Variants in FYN observed in about 807,000 individuals in gnomAD.
FYN encodes the protein FYN proto-oncogene, Src family tyrosine kinase, also known as tyrosine-protein kinase Fyn.
A neutral mutation model predicts 70.2 loss-of-function variants in FYN; 10 were observed. The observed-to-expected ratio is 0.14, with a 90% CI of 0.09 to 0.24. The LOEUF (loss-of-function observed/expected upper bound fraction) is 0.24, where lower values mean the gene tolerates loss of function less well. FYN is among the 10% of genes least tolerant of loss of function. The pLI, the probability that FYN is intolerant of heterozygous loss-of-function variation, is 1.00. For missense variants in FYN, 319 were observed against 673.1 expected (o/e 0.47, Z 5.82); for synonymous variants, 236 against 248.6 (o/e 0.95, Z 0.48).
chr6:111,754,327 C>G lies in FYN; in HGVS notation c.-12+26239G>C, dbSNP rs1477918860. The G allele has an allele frequency of 2.0e-5, 3 of 152,188 alleles. No individual in the cohort carries two copies. The East Asian group carries it at 5.8e-4, about 29-fold the overall frequency. The allele number at this position is 152,188 out of a possible 1,614,324, so 9.4% of individuals were successfully genotyped here. On this transcript the variant is annotated intron_variant, in intron 3 of 13. Transcript: ENST00000354650. The stretch of plus-strand genomic sequence containing the variant: ...TGACCCACAGCCAACTCCCGGCATG[C>G]ACAGTAGGGCACCTCTCCCACGGGG...
chr6:111,764,518 TA>T, intron 3 of FYN, among the ~76,000 whole-genome samples: 1 of 152,198 alleles, frequency 6.6e-6, no homozygotes, highest in African/African-American at 2.4e-5. Context: ...ATTGTGAGAA[TA>T]AGTACTTTGC....
At chr6:111,826,504 C>T (rs1772838722) in intron 2 of FYN, among the ~76,000 whole-genome samples, 1 of 152,028 alleles carries the variant, frequency 6.6e-6, no homozygotes, top group African/African-American at 2.4e-5. Flanking sequence ...TGCCTGAATC[C>T]AAAAACATGA....
At chr6:111,815,641 G>T (rs547027423) in intron 2 of FYN, among the ~76,000 whole-genome samples, 1 of 151,490 alleles carries the variant, frequency 6.6e-6, no homozygotes, top group South Asian at 2.1e-4. Flanking sequence ...TATTCCAAAG[G>T]CCAGAGACAT....
At chr6:111,741,493 G>GT (rs1801962287) in intron 3 of FYN, among the ~76,000 whole-genome samples, 1 of 144,610 alleles carries the variant, frequency 6.9e-6, no homozygotes, top group Non-Finnish European at 1.5e-5. Context: ...ATGGTTTTAA[G>GT]TTTTTTCATT....
At chr6:111,677,462 C>T (rs1798581940) in intron 12 of FYN, among the ~76,000 whole-genome samples, 1 of 152,336 alleles carries the variant, frequency 6.6e-6, no homozygotes, top group East Asian at 1.9e-4. Flanking sequence ...CCCTAAAATG[C>T]AGCTCTAAAT....
At chr6:111,755,182 C>T (rs1426158480) in intron 3 of FYN, among the ~76,000 whole-genome samples, 1 of 151,990 alleles carries the variant, frequency 6.6e-6, no homozygotes, top group African/African-American at 2.4e-5. Flanking sequence ...GATTTTGATA[C>T]TTTTTTTGTT....
intron 3 of FYN, among the ~76,000 whole-genome samples, chr6:111,769,236 T>A (rs1803345760): frequency 6.6e-6 from 1 of 152,230 alleles, no homozygotes; most frequent in African/African-American, 2.4e-5. Flanking sequence ...CATGATCTCC[T>A]CTAGCCTTCA....
chr6:111,699,190 C>G (rs1230373217), intron 9 of FYN, among the ~76,000 whole-genome samples: 1 of 152,164 alleles, frequency 6.6e-6, no homozygotes, highest in African/African-American at 2.4e-5. Flanking sequence ...GGATTCAAAC[C>G]CAGGCCCATT....
In FYN at chr6:111,694,996, G is replaced by A. The variant is rs1799510124; in HGVS notation, c.1043-292C>T. On this transcript the variant is annotated intron_variant, in intron 10 of 13. Transcript: ENST00000354650. The surrounding 1 kb of genome is among the most constrained non-coding windows in gnomAD (Gnocchi z 5.0). ...TCAATCTCCCTGTATGTCATAAAGA[G>A]GAACCTATGAAGAACTGCACCTCTT... is the stretch of plus-strand genomic sequence containing the variant. Among the ~76,000 whole-genome samples, 1 of 152,170 alleles carries A rather than the reference G, an allele frequency of 6.6e-6. No individual in the cohort carries two copies. The highest frequency in any genetic ancestry group is 2.1e-4 in the South Asian group (1 of 4,820).
intron 3 of FYN, among the ~76,000 whole-genome samples, chr6:111,764,218 AAAAAAAAAAAAAAAGAAAAG>A (rs1174217807): frequency 6.9e-6 from 1 of 145,066 alleles, no homozygotes; most frequent in African/African-American, 2.6e-5. Flanking sequence ...TTGTCAAGCA[AAAAAAAAAAAAAAAGAAAAG>A]AAAAAAAAAG....
intron 3 of FYN, among the ~76,000 whole-genome samples, chr6:111,726,914 C>G (rs943217975): frequency 6.6e-6 from 1 of 152,162 alleles, no homozygotes; most frequent in African/African-American, 2.4e-5. Flanking sequence ...GCACTTACTC[C>G]GTCCTGCCGC....
At chr6:111,823,173 A>G (rs552188806) in intron 2 of FYN, among the ~76,000 whole-genome samples, 1 of 152,284 alleles carries the variant, frequency 6.6e-6, no homozygotes, top group East Asian at 1.9e-4. Flanking sequence ...AGTGATTATG[A>G]ATGGCAACCA....
chr6:111,802,536 G>A (rs187657217), intron 2 of FYN, among the ~76,000 whole-genome samples: 1 of 152,088 alleles, frequency 6.6e-6, no homozygotes, highest in Non-Finnish European at 1.5e-5. Context: ...GGGTTCAAGT[G>A]ATTCTCCTGC....
At chr6:111,794,370 G>T (rs1481794082) in intron 2 of FYN, among the ~76,000 whole-genome samples, 1 of 152,174 alleles carries the variant, frequency 6.6e-6, no homozygotes, top group Non-Finnish European at 1.5e-5. Flanking sequence ...ATGCCACAGA[G>T]ATTTTCCTAC....
intron 1 of FYN, among the ~76,000 whole-genome samples, chr6:111,863,612 C>A (rs138540118): frequency 1.3e-5 from 2 of 152,118 alleles, no homozygotes; most frequent in Non-Finnish European, 2.9e-5. Context: ...TAAAGCCCTA[C>A]TTTTCAATAT....
At chr6:111,678,738 C>T (rs1335759231) in intron 12 of FYN, among the ~76,000 whole-genome samples, 1 of 152,158 alleles carries the variant, frequency 6.6e-6, no homozygotes, top group Admixed American at 6.5e-5. Flanking sequence ...TGTAAACCAC[C>T]CAGTTGGTGA....
chr6:111,725,879 T>A (rs1475380563), intron 3 of FYN, among the ~76,000 whole-genome samples: 1 of 152,212 alleles, frequency 6.6e-6, no homozygotes, highest in South Asian at 2.1e-4. Flanking sequence ...CGGGTTGTTA[T>A]TTGGCACAGC....
intron 1 of FYN, among the ~76,000 whole-genome samples, chr6:111,866,619 G>C (rs1178640800): frequency 6.6e-6 from 1 of 152,258 alleles, no homozygotes; most frequent in Non-Finnish European, 1.5e-5. Context: ...TGGGATTACA[G>C]GCGTGAGCCC....
intron 1 of FYN, among the ~76,000 whole-genome samples, chr6:111,851,000 C>T (rs1358679045): frequency 2.0e-5 from 3 of 152,210 alleles, no homozygotes. Flanking sequence ...CAAACCTTCT[C>T]CCAAGGTTAG....
Sources: gnomAD v4.1 joint callset for allele counts (sites outside exome capture counted in the v4.1 genomes callset) on GRCh38, gnomAD v4.1.1 for gene constraint, Gnocchi (gnomAD v3.1) non-coding constraint, MANE v1.5 for transcripts, NCBI Gene and HGNC (gene_info 2026-07-23, HGNC 2026-07-21) for gene names.